Variants in NEK7 observed in about 807,000 individuals in gnomAD.
NEK7 encodes the protein NIMA related kinase 7.
NEK7 carries 18 observed loss-of-function variants against 44.6 expected under a neutral mutation model. That is an observed-to-expected ratio of 0.40 (90% CI 0.28 to 0.60). The LOEUF is 0.60. NEK7 is among the 20% of genes least tolerant of loss of function. The probability of loss-of-function intolerance (pLI) is 0.38; values close to 1 mark genes in which losing one functional copy is unlikely to be tolerated. For synonymous variants in NEK7, 130 were observed against 121.1 expected, an observed-to-expected ratio of 1.07 and a Z score of -0.48; for missense variants, 256 against 366.5, an observed-to-expected ratio of 0.70 and a Z score of 2.46.
At chr1:198,168,803 A>G (rs1892487) in intron 1 of NEK7, among the ~76,000 whole-genome samples, 14,679 of 152,246 alleles carry the variant, frequency 0.096, 994 homozygotes, top group South Asian at 0.25. Context: ...AATGATTACA[A>G]TTAAAAAAGG....
intron 1 of NEK7, among the ~76,000 whole-genome samples, chr1:198,169,341 T>C (rs1168903675): frequency 1.3e-5 from 2 of 152,204 alleles, no homozygotes; most frequent in African/African-American, 4.8e-5. Flanking sequence ...CTGTCAGATA[T>C]TTAGATTTCT....
At chr1:198,253,975 A>G (rs1470555130) in intron 3 of NEK7, among the ~76,000 whole-genome samples, 1 of 152,078 alleles carries the variant, frequency 6.6e-6, no homozygotes, top group East Asian at 1.9e-4. Flanking sequence ...CCCTTTTTCA[A>G]TTATGGTAAT....
intron 9 of NEK7, among the ~76,000 whole-genome samples, chr1:198,317,889 T>A (rs977048111): frequency 1.5e-4 from 22 of 146,412 alleles, no homozygotes; most frequent in African/African-American, 5.2e-4. Flanking sequence ...TTTTTTTTTT[T>A]TTTTTTTTTT....
At chr1:198,307,512 T>A (rs1402423707) in intron 9 of NEK7, among the ~76,000 whole-genome samples, 1 of 152,176 alleles carries the variant, frequency 6.6e-6, no homozygotes, top group Non-Finnish European at 1.5e-5. Context: ...TCCCTAAATT[T>A]TAATTCTCAA....
At chr1:198,268,505 T>C (rs937633075) in intron 5 of NEK7, among the ~76,000 whole-genome samples, 3 of 152,070 alleles carry the variant, frequency 2.0e-5, no homozygotes, top group Non-Finnish European at 4.4e-5. Context: ...TCTCTCCCTA[T>C]CGTCTCTCAT....
In NEK7 at chr1:198,319,584, T is replaced by G; in HGVS notation, c.*62T>G. ...GAAAGTATTTTGTGCAAGTCATACC[T>G]CCCCATTTATGTCTGGTGTTAAGAT... On this transcript the variant is annotated 3_prime_UTR_variant, in exon 10 of 10. Transcript: ENST00000367385. 1 of 1,477,264 alleles carries G rather than the reference T, an allele frequency of 6.8e-7. No homozygotes were observed. The highest frequency in any genetic ancestry group is 1.4e-5 in the South Asian group (1 of 70,412). 91.5% of individuals were successfully genotyped at this position (1,477,264 alleles called of 1,614,324 possible). A position where few individuals can be genotyped will look rare whatever the true frequency, so the allele number is the denominator to read the frequency against.
intron 1 of NEK7, among the ~76,000 whole-genome samples, chr1:198,205,161 T>G (rs571452911): frequency 1.5e-4 from 23 of 152,340 alleles, no homozygotes; most frequent in African/African-American, 5.3e-4. Flanking sequence ...ATGAGCTGCT[T>G]CTTTCATGTT....
intron 7 of NEK7, among the ~76,000 whole-genome samples, chr1:198,288,516 A>C (rs1654449173): frequency 6.6e-6 from 1 of 152,220 alleles, no homozygotes; most frequent in Admixed American, 6.5e-5. Context: ...TTATAATGAA[A>C]TAACCATCTG....
chr1:198,187,345 C>T (rs1156538860), intron 1 of NEK7, among the ~76,000 whole-genome samples: 1 of 152,076 alleles, frequency 6.6e-6, no homozygotes, highest in Non-Finnish European at 1.5e-5. Context: ...GATGGCTAGT[C>T]CCTATATCTC....
chr1:198,205,193 C>G (rs2102802619), intron 1 of NEK7, among the ~76,000 whole-genome samples: 1 of 152,244 alleles, frequency 6.6e-6, no homozygotes, highest in Non-Finnish European at 1.5e-5. Flanking sequence ...TCTAAAACAG[C>G]TTTATTAGTG....
chr1:198,309,344 G>A (rs1655105707), intron 9 of NEK7, among the ~76,000 whole-genome samples: 1 of 152,034 alleles, frequency 6.6e-6, no homozygotes, highest in African/African-American at 2.4e-5. Context: ...GTGGGGGAAG[G>A]GAGAAGGAGT....
intron 1 of NEK7, among the ~76,000 whole-genome samples, chr1:198,224,505 C>A (rs984770108): frequency 6.6e-6 from 1 of 152,106 alleles, no homozygotes; most frequent in South Asian, 2.1e-4. Flanking sequence ...CTTCGTTGAG[C>A]AACATACGTC....
intron 3 of NEK7, among the ~76,000 whole-genome samples, chr1:198,260,840 A>G (rs943752448): frequency 3.9e-5 from 6 of 152,108 alleles, no homozygotes; most frequent in African/African-American, 1.2e-4. Context: ...TCACTATGCA[A>G]AAAGCACATG....
At chr1:198,245,516 A>T (rs547883043) in intron 2 of NEK7, among the ~76,000 whole-genome samples, 2 of 152,318 alleles carry the variant, frequency 1.3e-5, no homozygotes, top group African/African-American at 4.8e-5. Flanking sequence ...TTTGCTGGGT[A>T]TGAAAAAGGA....
chr1:198,237,136 A>G (rs1300610197), intron 2 of NEK7, among the ~76,000 whole-genome samples: 1 of 151,962 alleles, frequency 6.6e-6, no homozygotes, highest in South Asian at 2.1e-4. Context: ...CAGGAATCTT[A>G]TTGTTCTCTT....
chr1:198,267,786 T>C (rs1653700993), intron 5 of NEK7, among the ~76,000 whole-genome samples: 2 of 152,028 alleles, frequency 1.3e-5, no homozygotes, highest in Admixed American at 1.3e-4. Flanking sequence ...AAGACCCTCT[T>C]AAGTCCTACC....
At chr1:198,292,221 G>A (rs953894437) in intron 7 of NEK7, among the ~76,000 whole-genome samples, 21 of 151,686 alleles carry the variant, frequency 1.4e-4, no homozygotes, top group African/African-American at 5.1e-4. Flanking sequence ...GTGTTTAATA[G>A]CATCTTCTAA....
chr1:198,262,103 A>G (rs1365212667), intron 3 of NEK7, among the ~76,000 whole-genome samples: 1 of 151,920 alleles, frequency 6.6e-6, no homozygotes, highest in Non-Finnish European at 1.5e-5. Context: ...TTCTAGATGG[A>G]TAACTCTGAG....
intron 1 of NEK7, among the ~76,000 whole-genome samples, chr1:198,187,545 C>T (rs1207949542): frequency 6.6e-6 from 1 of 152,076 alleles, no homozygotes; most frequent in Non-Finnish European, 1.5e-5. Context: ...TTTTCTGGTA[C>T]CCAAGGGATT....
Sources: allele counts gnomAD v4.1 joint callset (sites outside exome capture counted in the v4.1 genomes callset), GRCh38; gene constraint gnomAD v4.1.1; transcripts MANE v1.5; gene names NCBI Gene and HGNC (gene_info 2026-07-23, HGNC 2026-07-21).